The following NOVA1 variants were observed in gnomAD, a reference collection of about 807,000 sequenced individuals.
NOVA1 encodes NOVA alternative splicing regulator 1, also known as RNA-binding protein Nova-1.
Under a neutral mutation model 38.0 loss-of-function variants are expected in NOVA1, and 7 were observed. That is an observed-to-expected ratio of 0.18 (90% confidence interval 0.10 to 0.35). The LOEUF is 0.35. Ranked by LOEUF, NOVA1 falls within the 10% of genes least tolerant of loss-of-function variation. NOVA1 has a pLI of 1.00. For synonymous variants in NOVA1, 270 were observed against 232.5 expected, an observed-to-expected ratio of 1.16 and a Z score of -1.47; for missense variants, 460 against 616.0, an observed-to-expected ratio of 0.75 and a Z score of 2.68.
chr14:26,469,016 C>G (rs530164153), intron 4 of NOVA1, among the ~76,000 whole-genome samples: 1 of 152,130 alleles, frequency 6.6e-6, no homozygotes, highest in Non-Finnish European at 1.5e-5. Context: ...TAACTTAGAA[C>G]TGATTGAACG....
At chr14:26,542,005 A>G (rs1890495405) in intron 2 of NOVA1, among the ~76,000 whole-genome samples, 1 of 151,942 alleles carries the variant, frequency 6.6e-6, no homozygotes, top group Non-Finnish European at 1.5e-5. Flanking sequence ...ATATCCATTC[A>G]CTAAGATTCC....
chr14:26,531,546 G>T (rs2138553782), intron 2 of NOVA1, among the ~76,000 whole-genome samples: 1 of 152,308 alleles, frequency 6.6e-6, no homozygotes, highest in Admixed American at 6.5e-5. Flanking sequence ...GGTGGAGGTT[G>T]CCGTGAGCCG....
intron 2 of NOVA1, among the ~76,000 whole-genome samples, chr14:26,553,560 G>A (rs896955843): frequency 6.6e-6 from 1 of 152,056 alleles, no homozygotes. Flanking sequence ...CCTATTTGAA[G>A]AGAGGGAGAA....
At chr14:26,529,140 T>C (rs1594473169) in intron 2 of NOVA1, among the ~76,000 whole-genome samples, 1 of 148,854 alleles carries the variant, frequency 6.7e-6, no homozygotes, top group East Asian at 2.0e-4. Context: ...TTTTTTTTTT[T>C]CCTTTTTTTT....
intron 2 of NOVA1, among the ~76,000 whole-genome samples, chr14:26,545,145 G>C (rs1890712112): frequency 6.6e-6 from 1 of 151,986 alleles, no homozygotes; most frequent in Non-Finnish European, 1.5e-5. Flanking sequence ...AAATAAGACA[G>C]GCTCCACCCT....
chr14:26,443,296 A>T lies in NOVA1; in HGVS notation c.*4663T>A, dbSNP rs79369625. 7 of 152,040 alleles carry T rather than the reference A, an allele frequency of 4.6e-5. No homozygotes were observed. Among genetic ancestry groups the T allele is most frequent in the East Asian group, 3.9e-4 (2 of 5,186 alleles). 9.4% of individuals were successfully genotyped at this position (152,040 alleles called of 1,614,324 possible). On this transcript the variant is annotated 3_prime_UTR_variant, in exon 5 of 5. Transcript: ENST00000539517. The stretch of plus-strand genomic sequence containing the variant: ...CCATTGCAATTATAAAAAACTATTT[A>T]AAAAAAATTCGGCACATACACGTTA...
intron 2 of NOVA1, among the ~76,000 whole-genome samples, chr14:26,584,712 T>C (rs1893417726): frequency 6.6e-6 from 1 of 151,432 alleles, no homozygotes; most frequent in Admixed American, 6.6e-5. Context: ...GACTTTCCAC[T>C]TTTGTTCACC....
At chr14:26,548,479 A>G (rs1428965451) in intron 2 of NOVA1, among the ~76,000 whole-genome samples, 1 of 152,122 alleles carries the variant, frequency 6.6e-6, no homozygotes, top group African/African-American at 2.4e-5. Flanking sequence ...GAAGTTTGAG[A>G]TTCTAATTTC....
intron 4 of NOVA1, among the ~76,000 whole-genome samples, chr14:26,456,821 A>T (rs1883219124): frequency 6.6e-6 from 1 of 151,966 alleles, no homozygotes; most frequent in South Asian, 2.1e-4. Context: ...TTAGTGTTTT[A>T]AGGTAAGTGT....
At chr14:26,516,855 C>G (rs1198403222) in intron 2 of NOVA1, among the ~76,000 whole-genome samples, 1 of 150,916 alleles carries the variant, frequency 6.6e-6, no homozygotes, top group Non-Finnish European at 1.5e-5. Context: ...CTTATTATGG[C>G]CTACAATGGC....
intron 2 of NOVA1, among the ~76,000 whole-genome samples, chr14:26,556,860 T>A (rs532673838): frequency 6.6e-6 from 1 of 152,322 alleles, no homozygotes; most frequent in South Asian, 2.1e-4. Flanking sequence ...CAAAAAAGCG[T>A]ACGAAAAGAT....
At chr14:26,489,479 A>T (rs549774840) in intron 2 of NOVA1, among the ~76,000 whole-genome samples, 2 of 151,816 alleles carry the variant, frequency 1.3e-5, no homozygotes, top group African/African-American at 4.8e-5. Flanking sequence ...ACAGAAATTT[A>T]AGCGTATATG....
intron 2 of NOVA1, among the ~76,000 whole-genome samples, chr14:26,567,519 C>T (rs1892210332): frequency 6.6e-6 from 1 of 151,946 alleles, no homozygotes; most frequent in African/African-American, 2.4e-5. Flanking sequence ...TGGTCTCGAA[C>T]TCCTGGACTC....
chr14:26,484,168 C>T (rs1885684103), intron 2 of NOVA1, among the ~76,000 whole-genome samples: 1 of 151,990 alleles, frequency 6.6e-6, no homozygotes, highest in African/African-American at 2.4e-5. Flanking sequence ...GGTGCGGTGG[C>T]TCACACCTGT....
At chr14:26,581,168 ACAC>A (rs1020352051) in intron 2 of NOVA1, among the ~76,000 whole-genome samples, 10 of 152,094 alleles carry the variant, frequency 6.6e-5, no homozygotes, top group Admixed American at 6.6e-4. Context: ...CTCTGGTCTG[ACAC>A]CACATGTTCT....
rs1209039088 is a variant in NOVA1 at position 26,447,927 on chromosome 14, G to A, written c.*32C>T. ...CTTCTTGAAAATGGGGTAAAGGAGG[G>A]GTTAAAACAATCTGATGTGTAACTG... is the stretch of plus-strand genomic sequence containing the variant. On this transcript the variant is annotated 3_prime_UTR_variant, in exon 5 of 5. Transcript: ENST00000539517. The A allele has an allele frequency of 6.4e-7, 1 of 1,569,968 alleles. No homozygotes were observed. Among genetic ancestry groups the A allele is most frequent in the Admixed American group, 1.7e-5 (1 of 59,774 alleles).
chr14:26,479,009 G>A (rs1286905861), intron 3 of NOVA1: 2 of 151,556 alleles, frequency 1.3e-5, no homozygotes, highest in Non-Finnish European at 3.0e-5. Flanking sequence ...TCATAACACT[G>A]TTCAGTATAA....
chr14:26,549,793 T>C, intron 2 of NOVA1: 1 of 1,272,468 alleles, frequency 7.9e-7, no homozygotes, highest in Non-Finnish European at 1.0e-6. Context: ...TAGGGGAAAG[T>C]GCGCTGTTAA....
At chr14:26,508,993 AT>A (rs1232579326) in intron 2 of NOVA1, among the ~76,000 whole-genome samples, 1 of 152,114 alleles carries the variant, frequency 6.6e-6, no homozygotes, top group African/African-American at 2.4e-5. Flanking sequence ...GAGAGTTAAA[AT>A]TAAATTGAAT....
Sources: allele counts gnomAD v4.1 joint callset (sites outside exome capture counted in the v4.1 genomes callset), GRCh38; gene constraint gnomAD v4.1.1; transcripts MANE v1.5; gene names NCBI Gene and HGNC (gene_info 2026-07-23, HGNC 2026-07-21).